TGM4: variants seen among roughly 807,000 people sequenced by gnomAD.
TGM4 encodes protein-glutamine gamma-glutamyltransferase 4.
In TGM4, 61 loss-of-function variants were observed where a neutral mutation model predicts 76.3. The observed-to-expected ratio is 0.80, with a 90% CI of 0.65 to 0.99. The LOEUF (loss-of-function observed/expected upper bound fraction) is 0.99. Ranked by LOEUF, TGM4 falls within the 50% of genes least tolerant of loss-of-function variation. TGM4 has a pLI of 0.00. For missense variants in TGM4, 794 were observed against 843.2 expected, an observed-to-expected ratio of 0.94 and a Z score of 0.72; for synonymous variants, 337 against 329.8, an observed-to-expected ratio of 1.02 and a Z score of -0.24.
In TGM4 at chr3:44,890,617, C is replaced by T; in HGVS notation, c.315C>T (p.Val105=). 1 of 1,614,116 alleles carries T rather than the reference C, an allele frequency of 6.2e-7. No individual in the cohort carries two copies. The highest frequency in any genetic ancestry group is 8.5e-7 in the Non-Finnish European group (1 of 1,179,978). ...GGTTTGCTCAGGTCACAGTGGCTGT[C>T]ACCAGTTCCCCCAATGCCATCCTGG... ...NESGKEVTVA[V]TSSPNAILGK... The change falls in exon 4 of 14, where the codon GTC becomes GTT. Residue 105 remains valine (V), a synonymous_variant. Transcript: ENST00000296125.
At position 44,884,674 on chromosome 3, in the gene TGM4, G is replaced by A. The variant is rs1232039835; in HGVS notation, c.20-651G>A. On this transcript the variant is annotated intron_variant, in intron 1 of 13. Coordinates refer to ENST00000296125, the MANE Select transcript of TGM4 (RefSeq NM_003241.4). ...TATAATGCAAGTAGTCTTGGCCTCAGATCATGGGAGCTCCTTGGTGCTTCC... is the reference window on the plus strand; with the variant it reads ...TATAATGCAAGTAGTCTTGGCCTCAAATCATGGGAGCTCCTTGGTGCTTCC... 5.9e-5 allele frequency among the ~76,000 whole-genome samples: 9 copies of A among 152,248 alleles called. No homozygotes were observed. In the East Asian group the frequency reaches 1.2e-3, roughly 20 times the overall value.
intron 6 of TGM4, chr3:44,899,119 C>T (rs1194809199): frequency 1.3e-5 from 2 of 152,254 alleles, no homozygotes; most frequent in Non-Finnish European, 2.9e-5. Flanking sequence ...TAACACACAA[C>T]AAGTGCCCAG....
chr3:44,885,263 G>C lies in TGM4; in HGVS notation c.20-62G>C. On this transcript the variant is annotated intron_variant, in intron 1 of 13. Coordinates refer to ENST00000296125, the MANE Select transcript of TGM4 (RefSeq NM_003241.4). ...CACTCTCAGATTTTGAACCCAGAAAGAGGTGATCAGGGAATAAACATTCTC... is the reference window on the plus strand; with the variant it reads ...CACTCTCAGATTTTGAACCCAGAAACAGGTGATCAGGGAATAAACATTCTC... 4 of 1,506,800 alleles carry C rather than the reference G, an allele frequency of 2.7e-6. No individual in the cohort carries two copies. The South Asian group carries it at 5.2e-5, about 20-fold the overall frequency. 93.3% of individuals were successfully genotyped at this position (1,506,800 alleles called of 1,614,324 possible).
intron 6 of TGM4, 147 bp downstream of exon 6, chr3:44,896,963 C>A: frequency 5.6e-6 from 3 of 531,144 alleles, no homozygotes; most frequent in Non-Finnish European, 1.0e-5. Context: ...AAGAAATAGA[C>A]ATTGCTGAAA....
At chr3:44,896,861 T>C in intron 6 of TGM4, 45 bp downstream of exon 6, 1 of 1,535,854 alleles carries the variant, frequency 6.5e-7, no homozygotes, top group Non-Finnish European at 9.0e-7. Context: ...TACTTGCCAA[T>C]TGCTCAGCCT....
chr3:44,884,643 C>T (rs577030612), intron 1 of TGM4, among the ~76,000 whole-genome samples: 8 of 152,236 alleles, frequency 5.3e-5, no homozygotes, highest in African/African-American at 1.7e-4. Context: ...CCTTAAAAAT[C>T]CCATTTATAA....
At chr3:44,898,170 A>G (rs1699805377) in intron 6 of TGM4, among the ~76,000 whole-genome samples, 1 of 151,770 alleles carries the variant, frequency 6.6e-6, no homozygotes, top group Non-Finnish European at 1.5e-5. Flanking sequence ...AGTCCCAGCT[A>G]CTGGGGAGGC....
intron 1 of TGM4, among the ~76,000 whole-genome samples, chr3:44,881,068 A>G (rs142151454): frequency 0.02 from 2,994 of 152,222 alleles, 51 homozygotes; most frequent in Middle Eastern, 0.068. Context: ...GAAGTGCACT[A>G]TGGTGCACAC....
rs191283312 is a variant in TGM4 at position 44,883,416 on chromosome 3, T to C, written c.20-1909T>C. The stretch of plus-strand genomic sequence containing the variant: ...CCCTCTGCCTTCTGCTATGTTACAA[T>C]GCAGCAAGAGGCCCTCACCAGATGC... On this transcript the variant is annotated intron_variant, in intron 1 of 13. Transcript: ENST00000296125. Among the ~76,000 whole-genome samples, 10 of 152,298 alleles carry C rather than the reference T, an allele frequency of 6.6e-5. No individual in the cohort carries two copies. In the East Asian group the frequency reaches 1.7e-3, roughly 26 times the overall value.
chr3:44,885,625 C>A, intron 2 of TGM4, 127 bp downstream of exon 2: 1 of 996,250 alleles, frequency 1.0e-6, no homozygotes, highest in Non-Finnish European at 1.4e-6. Flanking sequence ...CCAGTTTCTC[C>A]ATCTGTAATG....
intron 1 of TGM4, among the ~76,000 whole-genome samples, chr3:44,875,261 G>C (rs914536409): frequency 3.3e-5 from 5 of 152,204 alleles, no homozygotes; most frequent in Admixed American, 6.5e-5. Context: ...TTTGCATTCC[G>C]TTGTTGTGCC....
In TGM4 at chr3:44,901,878, C is replaced by T. The variant is rs1204809570; in HGVS notation, c.918C>T (p.Thr306=). The change falls in exon 8 of 14, where the codon ACC becomes ACT. Residue 306 remains threonine (T), a synonymous_variant. Coordinates refer to ENST00000296125, the MANE Select transcript of TGM4 (RefSeq NM_003241.4). The part of the protein sequence containing the change: ...HDTERNLTVD[T]YVNENGEKIT... ...CAGAAAGGAACCTCACGGTGGACAC[C>T]TATGTGAATGAGAATGGCGAGAAAA... is the stretch of plus-strand genomic sequence containing the variant. The T allele has an allele frequency of 1.2e-6, 2 of 1,614,212 alleles. No homozygotes were observed. Among genetic ancestry groups the T allele is most frequent in the East Asian group, 2.2e-5 (1 of 44,882 alleles).
chr3:44,887,461 G>A (rs770023537), intron 2 of TGM4, among the ~76,000 whole-genome samples: 14 of 152,216 alleles, frequency 9.2e-5, no homozygotes, highest in African/African-American at 2.7e-4. Context: ...AAGGGAGGAC[G>A]TGGAGAGGAG....
chr3:44,885,228 C>T, intron 1 of TGM4, 97 bp from the exon 2 acceptor site: 8 of 1,309,094 alleles, frequency 6.1e-6, no homozygotes, highest in Admixed American at 2.4e-5. Context: ...AGCCCAGCTC[C>T]ACCTCAATGC....
intron 1 of TGM4, among the ~76,000 whole-genome samples, chr3:44,884,614 C>G (rs960239662): frequency 6.6e-6 from 1 of 152,094 alleles, no homozygotes; most frequent in Non-Finnish European, 1.5e-5. Context: ...GGATTAGAGG[C>G]GTGAACCACT....
intron 5 of TGM4, among the ~76,000 whole-genome samples, chr3:44,894,763 C>G (rs1699757002): frequency 6.6e-6 from 1 of 152,012 alleles, no homozygotes; most frequent in African/African-American, 2.4e-5. Context: ...GAAGTAGGGA[C>G]AAGGGAGGAA....
chr3:44,885,242 C>G (rs1219640859), intron 1 of TGM4, 83 bp from the exon 2 acceptor site: 6 of 1,431,612 alleles, frequency 4.2e-6, no homozygotes, highest in Non-Finnish European at 5.7e-6. Flanking sequence ...TCAATGCACT[C>G]TCAGATTTTG....
intron 3 of TGM4, among the ~76,000 whole-genome samples, chr3:44,889,731 T>G (rs745671865): frequency 2.0e-5 from 3 of 152,218 alleles, no homozygotes; most frequent in Non-Finnish European, 4.4e-5. Context: ...GATAGAGGCC[T>G]GGACGCCCTT....
At chr3:44,884,362 G>A (rs1327403159) in intron 1 of TGM4, among the ~76,000 whole-genome samples, 1 of 152,278 alleles carries the variant, frequency 6.6e-6, no homozygotes, top group Middle Eastern at 3.4e-3. Flanking sequence ...GAGGTAATAC[G>A]AAATGTCATT....
Sources: allele counts gnomAD v4.1 joint callset (sites outside exome capture counted in the v4.1 genomes callset), GRCh38; gene constraint gnomAD v4.1.1; transcripts MANE v1.5; gene names NCBI Gene and HGNC (gene_info 2026-07-23, HGNC 2026-07-21).